The following SGCZ variants were observed in gnomAD, a reference collection of about 807,000 sequenced individuals.
The protein encoded by SGCZ is sarcoglycan zeta.
Under a neutral mutation model 41.3 loss-of-function variants are expected in SGCZ, and 40 were observed. The observed-to-expected ratio is 0.97, with a 90% CI of 0.75 to 1.26. The LOEUF (loss-of-function observed/expected upper bound fraction) is 1.26, where lower values mean the gene tolerates loss of function less well. SGCZ is among the 50% of genes most tolerant of loss of function. The pLI is 0.00. For synonymous variants in SGCZ, 206 were observed against 137.5 expected (o/e 1.50, Z -3.49); for missense variants, 552 against 369.8 (o/e 1.49, Z -4.04).
At chr8:15,234,131 G>A (rs1162158419) in intron 1 of SGCZ, among the ~76,000 whole-genome samples, 4 of 152,088 alleles carry the variant, frequency 2.6e-5, no homozygotes, top group Non-Finnish European at 5.9e-5. Context: ...AAAATTTAAA[G>A]TGTCAGCTCT....
chr8:14,131,635 T>C (rs1036431395), intron 5 of SGCZ, among the ~76,000 whole-genome samples: 1 of 152,194 alleles, frequency 6.6e-6, no homozygotes, highest in Non-Finnish European at 1.5e-5. Context: ...TCCTACATCA[T>C]GTTTGTTAAG....
intron 5 of SGCZ, among the ~76,000 whole-genome samples, chr8:14,141,757 G>A (rs1044949484): frequency 2.0e-5 from 3 of 152,168 alleles, no homozygotes; most frequent in African/African-American, 2.4e-5. Flanking sequence ...AGAGAGTGTG[G>A]CAATTCCTCA....
intron 1 of SGCZ, among the ~76,000 whole-genome samples, chr8:14,721,062 G>A (rs1342899934): frequency 6.6e-6 from 1 of 152,020 alleles, no homozygotes; most frequent in Non-Finnish European, 1.5e-5. Context: ...GCTTTCCAGG[G>A]TGCCACTCTT....
intron 1 of SGCZ, among the ~76,000 whole-genome samples, chr8:14,929,012 G>C (rs559153851): frequency 3.9e-5 from 6 of 151,904 alleles, no homozygotes; most frequent in African/African-American, 1.2e-4. Flanking sequence ...TATTTTTTCA[G>C]ACAGAGTCTC....
chr8:14,447,027 T>C (rs963855358), intron 2 of SGCZ, among the ~76,000 whole-genome samples: 4 of 152,184 alleles, frequency 2.6e-5, no homozygotes, highest in Non-Finnish European at 5.9e-5. Flanking sequence ...AGATGCATAA[T>C]TCATTTCAGC....
chr8:14,368,492 G>C (rs112270136), intron 2 of SGCZ, among the ~76,000 whole-genome samples: 1 of 152,128 alleles, frequency 6.6e-6, no homozygotes, highest in Non-Finnish European at 1.5e-5. Flanking sequence ...TAAGACCTTA[G>C]TCCTCCATAC....
At chr8:14,653,897 T>G (rs182224157) in intron 1 of SGCZ, among the ~76,000 whole-genome samples, 1 of 152,140 alleles carries the variant, frequency 6.6e-6, no homozygotes, top group African/African-American at 2.4e-5. Context: ...GAAAGCTCTA[T>G]TACTCTGTGA....
At chr8:14,112,946 T>C (rs1802418199) in intron 5 of SGCZ, among the ~76,000 whole-genome samples, 1 of 152,132 alleles carries the variant, frequency 6.6e-6, no homozygotes, top group Admixed American at 6.6e-5. Context: ...AATTGGCATT[T>C]ATTGTATTCC....
intron 4 of SGCZ, among the ~76,000 whole-genome samples, chr8:14,225,712 T>C (rs1294905718): frequency 2.0e-5 from 3 of 151,996 alleles, no homozygotes; most frequent in Admixed American, 6.6e-5. Flanking sequence ...AGATAACAGA[T>C]ATAGGTGACA....
intron 1 of SGCZ, among the ~76,000 whole-genome samples, chr8:14,763,228 A>G (rs1405353368): frequency 1.3e-5 from 2 of 152,094 alleles, no homozygotes. Context: ...CCTTTCTAGG[A>G]GCGTCTTATA....
chr8:14,566,633 C>T (rs1321601667), intron 1 of SGCZ, among the ~76,000 whole-genome samples: 1 of 152,258 alleles, frequency 6.6e-6, no homozygotes, highest in African/African-American at 2.4e-5. Flanking sequence ...TTTTGTTTTA[C>T]ATGATAGTGA....
At chr8:14,630,664 C>T (rs150847640) in intron 1 of SGCZ, among the ~76,000 whole-genome samples, 5 of 151,172 alleles carry the variant, frequency 3.3e-5, no homozygotes, top group South Asian at 4.2e-4. Context: ...AAATGTGACA[C>T]GTATATGCCA....
intron 1 of SGCZ, among the ~76,000 whole-genome samples, chr8:14,858,339 A>T (rs543610247): frequency 2.6e-5 from 4 of 152,260 alleles, no homozygotes; most frequent in African/African-American, 7.2e-5. Context: ...AAAACATTCC[A>T]ATTAGTAAGA....
intron 1 of SGCZ, among the ~76,000 whole-genome samples, chr8:15,100,061 C>G (rs1299084654): frequency 6.6e-6 from 1 of 152,100 alleles, no homozygotes; most frequent in African/African-American, 2.4e-5. Flanking sequence ...GATGTCTTTT[C>G]TTACCACTTC....
intron 2 of SGCZ, among the ~76,000 whole-genome samples, chr8:14,550,088 A>T (rs906705831): frequency 1.5e-4 from 23 of 152,000 alleles, no homozygotes; most frequent in African/African-American, 5.3e-4. Context: ...ACCAACACCG[A>T]CATACAAGAA....
At chr8:14,311,550 AG>A (rs1276013283) in intron 3 of SGCZ, among the ~76,000 whole-genome samples, 8 of 152,302 alleles carry the variant, frequency 5.3e-5, no homozygotes, top group South Asian at 4.1e-4. Flanking sequence ...AACTATTGAA[AG>A]AATATGACTA....
intron 4 of SGCZ, among the ~76,000 whole-genome samples, chr8:14,175,966 T>C (rs991282227): frequency 2.0e-5 from 3 of 152,164 alleles, no homozygotes; most frequent in Non-Finnish European, 4.4e-5. Context: ...TTAGGTGTTA[T>C]TCCATAACGA....
intron 1 of SGCZ, among the ~76,000 whole-genome samples, chr8:14,559,782 T>G (rs1000878287): frequency 2.0e-5 from 3 of 152,118 alleles, no homozygotes; most frequent in African/African-American, 7.2e-5. Flanking sequence ...GAAACGCTGA[T>G]AACGGTAGAT....
intron 1 of SGCZ, among the ~76,000 whole-genome samples, chr8:14,611,492 C>G (rs922625477): frequency 6.6e-6 from 1 of 152,034 alleles, no homozygotes; most frequent in Non-Finnish European, 1.5e-5. Context: ...GAAAGTTATA[C>G]AAATCAATAA....
Sources: allele counts gnomAD v4.1 joint callset (sites outside exome capture counted in the v4.1 genomes callset), GRCh38; gene constraint gnomAD v4.1.1; transcripts MANE v1.5; gene names NCBI Gene and HGNC (gene_info 2026-07-23, HGNC 2026-07-21).